AKT3: variants seen among roughly 807,000 people sequenced by gnomAD.
AKT3 encodes AKT serine/threonine kinase 3, also known as RAC-gamma serine/threonine-protein kinase.
In AKT3, 15 loss-of-function variants were observed where a neutral mutation model predicts 65.3. The observed-to-expected ratio is 0.23, with a 90% CI of 0.15 to 0.35. The LOEUF (loss-of-function observed/expected upper bound fraction) is 0.35. AKT3 is among the 10% of genes least tolerant of loss of function. The probability of loss-of-function intolerance (pLI) is 1.00; values close to 1 mark genes in which losing one functional copy is unlikely to be tolerated. For missense variants in AKT3, 243 were observed against 576.5 expected (o/e 0.42, Z 5.92); for synonymous variants, 206 against 183.8 (o/e 1.12, Z -0.98).
At chr1:243,575,451 C>G (rs563625300) in intron 8 of AKT3, among the ~76,000 whole-genome samples, 54 of 152,206 alleles carry the variant, frequency 3.5e-4, no homozygotes, top group African/African-American at 1.2e-3. Context: ...CACTTAACTC[C>G]AAACCCATCA....
chr1:243,560,862 C>A (rs966666131), intron 10 of AKT3, among the ~76,000 whole-genome samples: 1 of 151,996 alleles, frequency 6.6e-6, no homozygotes, highest in Non-Finnish European at 1.5e-5. Flanking sequence ...AAATAATTTA[C>A]CCTAATTGTG....
intron 2 of AKT3, among the ~76,000 whole-genome samples, chr1:243,762,251 A>G (rs899323116): frequency 6.6e-6 from 1 of 152,056 alleles, no homozygotes; most frequent in Non-Finnish European, 1.5e-5. Context: ...TCCTAAATTT[A>G]TGTCAACAGA....
intron 9 of AKT3, among the ~76,000 whole-genome samples, chr1:243,571,888 T>C (rs1027640075): frequency 2.6e-5 from 4 of 152,212 alleles, no homozygotes; most frequent in African/African-American, 4.8e-5. Flanking sequence ...AGGTACATAG[T>C]TCAGTTCTTC....
intron 4 of AKT3, among the ~76,000 whole-genome samples, chr1:243,657,221 A>G (rs1681874288): frequency 6.6e-6 from 1 of 152,116 alleles, no homozygotes; most frequent in Non-Finnish European, 1.5e-5. Flanking sequence ...GGGGAAAGAC[A>G]CCTTCTATGA....
intron 8 of AKT3, among the ~76,000 whole-genome samples, chr1:243,608,690 C>A: frequency 6.9e-6 from 1 of 143,924 alleles, no homozygotes. Flanking sequence ...AAACCTATTT[C>A]AAAAATATAA....
At chr1:243,732,410 G>A (rs190233611) in intron 2 of AKT3, among the ~76,000 whole-genome samples, 53 of 152,262 alleles carry the variant, frequency 3.5e-4, no homozygotes, top group African/African-American at 1.1e-3. Context: ...CTGACTGGAC[G>A]TTTCTCAATC....
At chr1:243,535,889 T>C (rs1671892664) in intron 12 of AKT3, among the ~76,000 whole-genome samples, 1 of 152,124 alleles carries the variant, frequency 6.6e-6, no homozygotes, top group African/African-American at 2.4e-5. Flanking sequence ...ACATCTATTG[T>C]TTTTTGACTT....
chr1:243,772,950 C>T (rs1467377733), intron 2 of AKT3, among the ~76,000 whole-genome samples: 2 of 149,140 alleles, frequency 1.3e-5, no homozygotes, highest in South Asian at 2.1e-4. Context: ...GAAAACCAAA[C>T]ACCGCATGTT....
intron 2 of AKT3, among the ~76,000 whole-genome samples, chr1:243,745,939 T>C (rs886390029): frequency 2.6e-5 from 4 of 152,312 alleles, no homozygotes; most frequent in Non-Finnish European, 2.9e-5. Flanking sequence ...ATCCTGAAAA[T>C]AGTTTCCAAA....
chr1:243,830,763 C>T (rs771113578), intron 2 of AKT3, among the ~76,000 whole-genome samples: 23 of 152,180 alleles, frequency 1.5e-4, no homozygotes, highest in Admixed American at 6.5e-5. Context: ...TTAAAATACG[C>T]ATTAATCTTC....
At chr1:243,633,041 T>C (rs1679720616) in intron 6 of AKT3, among the ~76,000 whole-genome samples, 1 of 152,186 alleles carries the variant, frequency 6.6e-6, no homozygotes, top group Non-Finnish European at 1.5e-5. Context: ...AAGGGCACCC[T>C]AATAAGATTA....
intron 2 of AKT3, among the ~76,000 whole-genome samples, chr1:243,699,871 G>C (rs1483687410): frequency 4.6e-5 from 7 of 151,900 alleles, no homozygotes; most frequent in South Asian, 2.1e-4. Context: ...ACAGAGAAAA[G>C]GAAGGGGGAA....
intron 2 of AKT3, among the ~76,000 whole-genome samples, chr1:243,794,722 A>G (rs1438810075): frequency 6.6e-6 from 1 of 152,238 alleles, no homozygotes; most frequent in African/African-American, 2.4e-5. Context: ...CCATTGGTGG[A>G]CAGCCCATTA....
At chr1:243,818,674 T>C (rs148142967) in intron 2 of AKT3, among the ~76,000 whole-genome samples, 51 of 152,292 alleles carry the variant, frequency 3.3e-4, no homozygotes, top group African/African-American at 1.1e-3. Flanking sequence ...TCTAATTTGA[T>C]AATTTTATTC....
At chr1:243,511,889 A>G (rs1670037697) in intron 13 of AKT3, among the ~76,000 whole-genome samples, 1 of 152,258 alleles carries the variant, frequency 6.6e-6, no homozygotes, top group African/African-American at 2.4e-5. Context: ...GCTAAGTAAA[A>G]AGGAGTGACT....
chr1:243,751,767 G>C (rs1481999461), intron 2 of AKT3, among the ~76,000 whole-genome samples: 1 of 152,092 alleles, frequency 6.6e-6, no homozygotes, highest in African/African-American at 2.4e-5. Context: ...CAGGGGAAGA[G>C]AGCTTGCAGG....
rs576483223 is a variant in AKT3, at chr1:243,649,498, G to A, written c.285-3461C>T. On this transcript the variant is annotated intron_variant, in intron 4 of 13. Coordinates refer to ENST00000673466, the MANE Select transcript of AKT3 (RefSeq NM_005465.7). ...TACATGGGTATACATGTGTCATGGC[G>A]GTTTGCTGTGCCCATCAATCCGTCA... Among the ~76,000 whole-genome samples, 79 of 151,914 alleles carry A rather than the reference G, an allele frequency of 5.2e-4. No homozygotes were observed. The South Asian group carries it at 9.6e-3, about 18-fold the overall frequency.
Position 243,504,316 on chromosome 1 carries a change from T to C in AKT3, c.*933A>G, listed in dbSNP as rs186169175. The C allele has an allele frequency of 5.4e-5, 11 of 204,436 alleles. No homozygotes were observed. The highest frequency in any genetic ancestry group is 5.4e-4 in the Admixed American group (9 of 16,772). The allele number at this position is 204,436 out of a possible 1,614,324, so 12.7% of individuals were successfully genotyped here. A position where few individuals can be genotyped will look rare whatever the true frequency, so the allele number is the denominator to read the frequency against. On this transcript the variant is annotated 3_prime_UTR_variant, in exon 14 of 14. Coordinates refer to ENST00000673466, the MANE Select transcript of AKT3 (RefSeq NM_005465.7). Reference sequence around the variant, plus strand: ...AAGCTAATTCACGTAGAACTGAAAGTAAAAAATTAAATAAGGCAAACACCT... The same window carrying C: ...AAGCTAATTCACGTAGAACTGAAAGCAAAAAATTAAATAAGGCAAACACCT...
chr1:243,587,134 T>A (rs1197267474), intron 8 of AKT3, among the ~76,000 whole-genome samples: 1 of 151,978 alleles, frequency 6.6e-6, no homozygotes, highest in Non-Finnish European at 1.5e-5. Flanking sequence ...GAGACAAAAC[T>A]TAAAAAAGGG....
Sources: allele counts gnomAD v4.1 joint callset (sites outside exome capture counted in the v4.1 genomes callset), GRCh38; gene constraint gnomAD v4.1.1; transcripts MANE v1.5; gene names NCBI Gene and HGNC (gene_info 2026-07-23, HGNC 2026-07-21).